The following PRKAG1 variants were observed in gnomAD, a reference collection of about 807,000 sequenced individuals.
PRKAG1 encodes the protein 5'-AMP-activated protein kinase subunit gamma-1.
In PRKAG1, 27 loss-of-function variants were observed where a neutral mutation model predicts 48.2. The ratio of observed to expected loss-of-function variants is 0.56; its 90% confidence interval spans 0.41 to 0.77. The LOEUF (loss-of-function observed/expected upper bound fraction) is 0.77, where lower values mean the gene tolerates loss of function less well. Ranked by LOEUF, PRKAG1 falls within the 30% of genes least tolerant of loss-of-function variation. The pLI is 0.00. For synonymous variants in PRKAG1, 130 were observed against 147.7 expected (o/e 0.88, Z 0.87); for missense variants, 287 against 398.3 (o/e 0.72, Z 2.38).
intron 9 of PRKAG1, 54 bp from the exon 10 acceptor site, chr12:49,003,649 T>G: frequency 1.9e-6 from 3 of 1,610,074 alleles, no homozygotes; most frequent in South Asian, 2.2e-5. Context: ...AAGCTCCCCC[T>G]ACTCATAGAA....
In PRKAG1 at chr12:49,002,921, G is replaced by C. The variant is rs1488763800; in HGVS notation, c.974C>G (p.Thr325Arg). 1 of 1,614,156 alleles carries C rather than the reference G, an allele frequency of 6.2e-7. No individual in the cohort carries two copies. The highest frequency in any genetic ancestry group is 8.5e-7 in the Non-Finnish European group (1 of 1,179,996). ...LSDILQALVLTGGEKKP is the reference protein window; with the variant it reads ...LSDILQALVLRGGEKKP ...AGCTCAGGGCTTCTTCTCTCCACCT[G>C]TGAGCACCAGGGCCTGCAGGATGTC... Residue 325 changes from threonine to arginine, a missense_variant, in exon 12 of 12, where the codon ACA becomes AGA. Physicochemically the swap from Thr to Arg is moderately conservative, Grantham distance 71 (BLOSUM62 -1). Transcript: ENST00000548065.
chr12:49,005,659 G>A lies in PRKAG1; in HGVS notation c.168+84C>T, dbSNP rs1941507166. On this transcript the variant is annotated intron_variant, in intron 3 of 11. Transcript: ENST00000548065. This position sits in a 1 kb window ranked among gnomAD's most constrained non-coding sequence, Gnocchi z 4.1. The stretch of plus-strand genomic sequence containing the variant: ...TGAGACTAACTTCACAGAAGGATAA[G>A]GATATTACCCTTAGGATGAGATAGG... The A allele has an allele frequency of 3.7e-6, 6 of 1,607,618 alleles. No homozygotes were observed. Among genetic ancestry groups the A allele is most frequent in the Non-Finnish European group, 5.1e-6 (6 of 1,174,604 alleles).
chr12:49,013,268 G>T (rs1024605725), intron 1 of PRKAG1, among the ~76,000 whole-genome samples, 158 bp from the exon 2 acceptor site: 53 of 151,886 alleles, frequency 3.5e-4, no homozygotes, highest in African/African-American at 1.2e-3. Flanking sequence ...TTGAGACAAG[G>T]TCTCGCTCTG....
Position 49,003,922 on chromosome 12 carries a change from T to C in PRKAG1, c.538A>G (p.Ile180Val). Reference protein sequence around the residue: ...KRILKFLKLFITEFPKPEFMS... With the variant: ...KRILKFLKLFVTEFPKPEFMS... ...AACTCTGGCTTGGGGAACTCAGTGATCTGAGGAAAGAACCATCAGCTTAAC... is the reference window on the plus strand; with the variant it reads ...AACTCTGGCTTGGGGAACTCAGTGACCTGAGGAAAGAACCATCAGCTTAAC... Residue 180 changes from isoleucine (I) to valine (V), a missense_variant and splice_region_variant, in exon 9 of 12, where the codon ATC becomes GTC. Ile to Val is a conservative substitution (Grantham distance 29). Transcript: ENST00000548065. The C allele has an allele frequency of 6.3e-7, 1 of 1,593,406 alleles. No individual in the cohort carries two copies. The highest frequency in any genetic ancestry group is 8.6e-7 in the Non-Finnish European group (1 of 1,168,712).
chr12:49,007,265 C>T (rs1356675638), intron 2 of PRKAG1, among the ~76,000 whole-genome samples: 18 of 144,970 alleles, frequency 1.2e-4, no homozygotes, highest in East Asian at 1.2e-3. Flanking sequence ...CCAGCCTGGG[C>T]GACAGAGTGA....
At chr12:49,009,613 GTTGT>G (rs1215358239) in intron 2 of PRKAG1, among the ~76,000 whole-genome samples, 2 of 151,750 alleles carry the variant, frequency 1.3e-5, no homozygotes, top group Admixed American at 6.6e-5. Context: ...TTTTGTTGTT[GTTGT>G]TTTTGTTTTT....
intron 2 of PRKAG1, among the ~76,000 whole-genome samples, chr12:49,010,334 C>T (rs1030420402): frequency 6.6e-6 from 1 of 152,090 alleles, no homozygotes; most frequent in Non-Finnish European, 1.5e-5. Flanking sequence ...ACATTCAATA[C>T]TTATATATTT....
At position 49,002,888 on chromosome 12, in the gene PRKAG1, C is replaced by A. The variant is rs1374721924; in HGVS notation, c.*11G>T. 2 of 1,611,294 alleles carry A rather than the reference C, an allele frequency of 1.2e-6. No homozygotes were observed. The highest frequency in any genetic ancestry group is 1.7e-6 in the Non-Finnish European group (2 of 1,177,526). On this transcript the variant is annotated 3_prime_UTR_variant, in exon 12 of 12. Transcript: ENST00000548065. ...CATATCCCCTGGTGCTGCATGACCC[C>A]TTCCCCCAGCTCAGGGCTTCTTCTC...
intron 2 of PRKAG1, among the ~76,000 whole-genome samples, chr12:49,011,607 A>T (rs1941764335): frequency 6.6e-6 from 1 of 151,838 alleles, no homozygotes; most frequent in Admixed American, 6.6e-5. Context: ...GCTGGAGTAC[A>T]ATGGCATGAT....
chr12:49,002,711 G>A lies in PRKAG1; in HGVS notation c.*188C>T, dbSNP rs985192074. On this transcript the variant is annotated 3_prime_UTR_variant, in exon 12 of 12. Coordinates refer to ENST00000548065, the MANE Select transcript of PRKAG1 (RefSeq NM_002733.5). The stretch of plus-strand genomic sequence containing the variant: ...AGTTTTTTCAAGTGTATGTGTGAGG[G>A]TAAGGGTAGCTATAAATCCATTCTC... 6 of 704,814 alleles carry A rather than the reference G, an allele frequency of 8.5e-6. No individual in the cohort carries two copies. In the Admixed American group the frequency reaches 1.0e-4, roughly 12 times the overall value. 43.7% of individuals were successfully genotyped at this position (704,814 alleles called of 1,614,324 possible).
chr12:49,004,660 T>G lies in PRKAG1; in HGVS notation c.411-27A>C, dbSNP rs199928599. The G allele has an allele frequency of 1.2e-5, 20 of 1,613,552 alleles. No homozygotes were observed. The African/African-American group carries it at 2.4e-4, about 19-fold the overall frequency. On this transcript the variant is annotated intron_variant, in intron 7 of 11. Coordinates refer to ENST00000548065, the MANE Select transcript of PRKAG1 (RefSeq NM_002733.5). ...TGTGAGAGGGTGGGAGATAATAAGT[T>G]CCACAGTGCTGGGGCTGGGGGTGAT... is the stretch of plus-strand genomic sequence containing the variant.
At chr12:49,012,016 C>T (rs1941779981) in intron 2 of PRKAG1, among the ~76,000 whole-genome samples, 1 of 152,146 alleles carries the variant, frequency 6.6e-6, no homozygotes, top group African/African-American at 2.4e-5. Context: ...CAGCTCCACG[C>T]CCAGCTAATT....
At chr12:49,018,553 C>T (rs2137694434) in intron 1 of PRKAG1, 179 bp downstream of exon 1, 1 of 1,473,054 alleles carries the variant, frequency 6.8e-7, no homozygotes, top group Admixed American at 2.5e-5. Flanking sequence ...GGCCCAGTTC[C>T]AGGAGATGCG....
intron 8 of PRKAG1, 153 bp downstream of exon 8, chr12:49,004,354 A>G: frequency 1.1e-6 from 1 of 941,052 alleles, no homozygotes; most frequent in Non-Finnish European, 1.6e-6. Flanking sequence ...CTGTAATCCT[A>G]GCACTTTGGG....
At position 49,003,809 on chromosome 12, in the gene PRKAG1, C is replaced by T. The variant is rs779615135; in HGVS notation, c.651G>A (p.Leu217=). Residue 217 remains leucine (L), a synonymous_variant, in exon 9 of 12, where the codon CTG becomes CTA. Coordinates refer to ENST00000548065, the MANE Select transcript of PRKAG1 (RefSeq NM_002733.5). Reference sequence around the variant, plus strand: ...AGACTCGATGCTGTACAAAAATCCCCAGAGCCACATAGACGGGGGTGGTAG... The same window carrying T: ...AGACTCGATGCTGTACAAAAATCCCTAGAGCCACATAGACGGGGGTGGTAG... ...VRTTTPVYVA[L]GIFVQHRVSA... 8.7e-6 allele frequency: 14 copies of T among 1,614,080 alleles called. No homozygotes were observed. In the South Asian group the frequency reaches 1.3e-4, roughly 15 times the overall value.
intron 10 of PRKAG1, 44 bp downstream of exon 10, chr12:49,003,514 C>CG (rs760963101): frequency 6.3e-7 from 1 of 1,595,444 alleles, no homozygotes; most frequent in Non-Finnish European, 8.6e-7. Context: ...CAGTGCCCCC[C>CG]CCCCACCACT....
chr12:49,017,224 A>G, intron 1 of PRKAG1: 1 of 455,820 alleles, frequency 2.2e-6, no homozygotes, highest in Non-Finnish European at 4.4e-6. Context: ...TTTTGGAGAC[A>G]GGATCTCACT....
chr12:49,010,596 GT>G (rs1941715730), intron 2 of PRKAG1, among the ~76,000 whole-genome samples: 1 of 152,158 alleles, frequency 6.6e-6, no homozygotes, highest in African/African-American at 2.4e-5. Context: ...ACTCAATGGG[GT>G]AGGGTGTCTT....
At chr12:49,006,336 G>C (rs1054893787) in intron 2 of PRKAG1, among the ~76,000 whole-genome samples, 1 of 151,934 alleles carries the variant, frequency 6.6e-6, no homozygotes, top group African/African-American at 2.4e-5. Context: ...CCAGGAGCTC[G>C]AGGCCAGCCT....
Sources: gnomAD v4.1 joint callset for allele counts (sites outside exome capture counted in the v4.1 genomes callset) on GRCh38, gnomAD v4.1.1 for gene constraint, Gnocchi (gnomAD v3.1) non-coding constraint, MANE v1.5 for transcripts, NCBI Gene and HGNC (gene_info 2026-07-23, HGNC 2026-07-21) for gene names.